Variants in TIAM2 observed in about 807,000 individuals in gnomAD.
The protein encoded by TIAM2 is TIAM Rac1 associated GEF 2, also known as rho guanine nucleotide exchange factor TIAM2.
A neutral mutation model predicts 152.9 loss-of-function variants in TIAM2; 80 were observed. The ratio of observed to expected loss-of-function variants is 0.52; its 90% CI spans 0.44 to 0.63. The LOEUF is 0.63. Among genes scored for constraint, TIAM2 ranks in the 30% least tolerant of loss-of-function variants. TIAM2 has a pLI of 0.00. For synonymous variants in TIAM2, 804 were observed against 838.0 expected (o/e 0.96, Z 0.70); for missense variants, 1,965 against 2,120.1 (o/e 0.93, Z 1.44).
intron 1 of TIAM2, among the ~76,000 whole-genome samples, chr6:155,028,464 A>ATG (rs1472211725): frequency 3.6e-5 from 5 of 139,372 alleles, no homozygotes; most frequent in South Asian, 4.6e-4. Context: ...CATATAATAT[A>ATG]TATACTGTGT....
intron 1 of TIAM2, among the ~76,000 whole-genome samples, chr6:155,049,052 C>G (rs976567138): frequency 6.6e-6 from 1 of 152,078 alleles, no homozygotes; most frequent in African/African-American, 2.4e-5. Context: ...CCGCCCGTCT[C>G]GGACTCCCAA....
intron 1 of TIAM2, among the ~76,000 whole-genome samples, chr6:154,997,003 CAT>C (rs36077865): frequency 0.19 from 28,502 of 151,998 alleles, 3,173 homozygotes; most frequent in East Asian, 0.38. Context: ...CTTCACATAC[CAT>C]ACTAAGATGC....
intron 5 of TIAM2, among the ~76,000 whole-genome samples, chr6:155,143,093 C>CTGTCAATG (rs778368296): frequency 4.3e-4 from 65 of 152,276 alleles, no homozygotes; most frequent in Middle Eastern, 6.8e-3. Flanking sequence ...TGTTTCTTTC[C>CTGTCAATG]TGTCAATGTG....
At chr6:155,035,596 A>G (rs1372010259) in intron 1 of TIAM2, among the ~76,000 whole-genome samples, 1 of 152,176 alleles carries the variant, frequency 6.6e-6, no homozygotes, top group East Asian at 1.9e-4. Context: ...ATGTGTACTG[A>G]TCATCATCAT....
At chr6:155,105,067 C>T (rs539419917) in intron 2 of TIAM2, among the ~76,000 whole-genome samples, 31 of 152,236 alleles carry the variant, frequency 2.0e-4, no homozygotes, top group Non-Finnish European at 3.8e-4. Flanking sequence ...AATAGATCCT[C>T]CCACCTCAGC....
chr6:155,022,807 G>A (rs1448861099), intron 1 of TIAM2, among the ~76,000 whole-genome samples: 1 of 152,200 alleles, frequency 6.6e-6, no homozygotes, highest in African/African-American at 2.4e-5. Flanking sequence ...TTACGATATG[G>A]TTGCTACTTA....
intron 2 of TIAM2, among the ~76,000 whole-genome samples, chr6:155,099,212 A>G (rs992239680): frequency 2.5e-4 from 15 of 60,860 alleles, no homozygotes; most frequent in South Asian, 9.8e-4. Flanking sequence ...CTATATGTGT[A>G]TATATATATG....
chr6:155,188,686 A>G (rs976519750), intron 14 of TIAM2, among the ~76,000 whole-genome samples: 5 of 152,218 alleles, frequency 3.3e-5, no homozygotes, highest in African/African-American at 1.2e-4. Context: ...TTGTGTATGA[A>G]AATCCCTTTT....
At chr6:155,195,682 A>C (rs1781325735) in intron 14 of TIAM2, among the ~76,000 whole-genome samples, 1 of 152,126 alleles carries the variant, frequency 6.6e-6, no homozygotes, top group Non-Finnish European at 1.5e-5. Context: ...AGGGATGGGG[A>C]GTAGGGGCCA....
chr6:155,219,978 G>A (rs1781986961), intron 15 of TIAM2, among the ~76,000 whole-genome samples: 1 of 152,234 alleles, frequency 6.6e-6, no homozygotes, highest in Non-Finnish European at 1.5e-5. Flanking sequence ...CTGTAGAGAG[G>A]GATGAACAAC....
At chr6:155,222,150 C>T (rs1478543150) in intron 15 of TIAM2, among the ~76,000 whole-genome samples, 1 of 151,878 alleles carries the variant, frequency 6.6e-6, no homozygotes, top group Non-Finnish European at 1.5e-5. Flanking sequence ...GACGGGGTTT[C>T]ACTATGTTAG....
intron 7 of TIAM2, among the ~76,000 whole-genome samples, chr6:155,154,320 C>T (rs1221906063): frequency 6.6e-6 from 1 of 152,176 alleles, no homozygotes; most frequent in Non-Finnish European, 1.5e-5. Context: ...AACAGGTTTT[C>T]TTCGAAGTAC....
At chr6:155,234,330 C>T (rs531453921) in intron 15 of TIAM2, among the ~76,000 whole-genome samples, 1 of 152,360 alleles carries the variant, frequency 6.6e-6, no homozygotes, top group South Asian at 2.1e-4. Context: ...GATAGAGCCT[C>T]ACTCTGTCAC....
At chr6:155,035,856 G>T (rs192285894) in intron 1 of TIAM2, among the ~76,000 whole-genome samples, 5 of 152,166 alleles carry the variant, frequency 3.3e-5, no homozygotes, top group African/African-American at 1.2e-4. Context: ...AATGGCCCTT[G>T]GAAGGCTGCG....
intron 15 of TIAM2, among the ~76,000 whole-genome samples, chr6:155,217,278 T>C (rs1030972417): frequency 1.3e-5 from 2 of 152,260 alleles, no homozygotes; most frequent in African/African-American, 4.8e-5. Flanking sequence ...ACATGCTTTT[T>C]ACAGCTAAGG....
At chr6:155,196,918 C>T (rs898491994) in intron 14 of TIAM2, among the ~76,000 whole-genome samples, 3 of 152,172 alleles carry the variant, frequency 2.0e-5, no homozygotes, top group Non-Finnish European at 4.4e-5. Context: ...TTTAACATGT[C>T]GTGGGAAAAT....
At chr6:155,049,983 A>G (rs1777282658) in intron 1 of TIAM2, among the ~76,000 whole-genome samples, 1 of 152,186 alleles carries the variant, frequency 6.6e-6, no homozygotes, top group Non-Finnish European at 1.5e-5. Context: ...TTGAGAGTAC[A>G]AATATTTTTG....
intron 20 of TIAM2, 31 bp from the exon 21 acceptor site, chr6:155,249,820 T>A: frequency 6.4e-7 from 1 of 1,564,846 alleles, no homozygotes; most frequent in African/African-American, 1.4e-5. Flanking sequence ...AAATAACAGT[T>A]ATGAAATAAA....
intron 4 of TIAM2, among the ~76,000 whole-genome samples, chr6:155,131,744 T>A (rs578128732): frequency 6.6e-6 from 1 of 152,130 alleles, no homozygotes; most frequent in South Asian, 2.1e-4. Context: ...CATGCCTGGC[T>A]AATTTGTGTA....
Sources: allele counts gnomAD v4.1 joint callset (sites outside exome capture counted in the v4.1 genomes callset), GRCh38; gene constraint gnomAD v4.1.1; transcripts MANE v1.5; gene names NCBI Gene and HGNC (gene_info 2026-07-23, HGNC 2026-07-21).